Variants in MARF1 observed in about 807,000 individuals in gnomAD.
The protein encoded by MARF1 is meiosis regulator and mRNA stability factor 1, also known as limkain-b1.
A neutral mutation model predicts 168.2 loss-of-function variants in MARF1; 24 were observed. That is an observed-to-expected ratio of 0.14 (90% confidence interval 0.10 to 0.20). The LOEUF (loss-of-function observed/expected upper bound fraction) is 0.20, where lower values mean the gene tolerates loss of function less well. MARF1 is among the 10% of genes least tolerant of loss of function. The pLI, the probability that MARF1 is intolerant of heterozygous loss-of-function variation, is 1.00. For missense variants in MARF1, 1,744 were observed against 2,143.6 expected, an observed-to-expected ratio of 0.81 and a Z score of 3.68; for synonymous variants, 868 against 822.4, an observed-to-expected ratio of 1.06 and a Z score of -0.95.
Position 15,635,826 on chromosome 16 carries a change from C to T in MARF1, c.661G>A (p.Ala221Thr), listed in dbSNP as rs747484471. 66 of 1,614,042 alleles carry T rather than the reference C, an allele frequency of 4.1e-5. No homozygotes were observed. The highest frequency in any genetic ancestry group is 5.2e-5 in the Non-Finnish European group (61 of 1,180,026). ...QFPSLQGCTS[A>T]GYFPCSDFTS... Reference sequence around the variant, plus strand: ...AAATCAGAACAGGGGAAATAGCCAGCGGAGGTGCAGCCCTGCAGACTCGGA... The same window carrying T: ...AAATCAGAACAGGGGAAATAGCCAGTGGAGGTGCAGCCCTGCAGACTCGGA... Residue 221 changes from alanine (A) to threonine (T), a missense_variant, in exon 3 of 27, where the codon GCT (alanine) becomes ACT (threonine). Transcript: ENST00000396368.
Position 15,630,573 on chromosome 16 carries a change from T to C in MARF1, c.1352-69A>G, listed in dbSNP as rs916498481. ...AACACTTGACAAAGACAGACAACTCTATTGACACCCACTGAGAAGAAAGGA... is the reference window on the plus strand; with the variant it reads ...AACACTTGACAAAGACAGACAACTCCATTGACACCCACTGAGAAGAAAGGA... On this transcript the variant is annotated intron_variant, in intron 6 of 26. Transcript: ENST00000396368. The C allele has an allele frequency of 4.3e-6, 6 of 1,383,542 alleles. No homozygotes were observed. The African/African-American group carries it at 8.7e-5, about 20-fold the overall frequency. 85.7% of individuals were successfully genotyped at this position (1,383,542 alleles called of 1,614,324 possible). A position where few individuals can be genotyped will look rare whatever the true frequency, so the allele number is the denominator to read the frequency against.
chr16:15,628,120 C>A (rs1490356822), intron 7 of MARF1, among the ~76,000 whole-genome samples: 1 of 152,178 alleles, frequency 6.6e-6, no homozygotes, highest in African/African-American at 2.4e-5. Context: ...CATACAAGTA[C>A]TTTTCAAACC....
intron 23 of MARF1, 109 bp downstream of exon 23, chr16:15,601,859 GTATGTTTTGAAAGGATCAATTCA>G: frequency 1.3e-6 from 1 of 759,800 alleles, no homozygotes; most frequent in Non-Finnish European, 2.3e-6. Context: ...TAGACCAACA[GTATGTTTTGAAAGGATCAATTCA>G]AAATGCCTGC....
intron 21 of MARF1, 58 bp from the exon 22 acceptor site, chr16:15,604,456 C>T (rs948342295): frequency 8.4e-6 from 10 of 1,188,062 alleles, no homozygotes; most frequent in African/African-American, 1.5e-5. Flanking sequence ...CTAGGTTATA[C>T]CCAACTCAGC....
Position 15,627,108 on chromosome 16 carries a change from T to C in MARF1, c.1525-1308A>G, listed in dbSNP as rs150155307. 6.9e-3 allele frequency among the ~76,000 whole-genome samples: 1,054 copies of C among 151,774 alleles called. 14 individuals carry two copies. Among genetic ancestry groups the C allele is most frequent in the African/African-American group, 0.025 (1,025 of 41,354 alleles). On this transcript the variant is annotated intron_variant, in intron 7 of 26. Transcript: ENST00000396368. Reference sequence around the variant, plus strand: ...GGCTCATGCCTGTAATCCCAGCACTTTGGGAGGCCGAGGCGGGGGGATCAC... The same window carrying C: ...GGCTCATGCCTGTAATCCCAGCACTCTGGGAGGCCGAGGCGGGGGGATCAC...
intron 25 of MARF1, 92 bp downstream of exon 25, chr16:15,600,336 T>C: frequency 6.5e-7 from 1 of 1,530,050 alleles, no homozygotes; most frequent in Non-Finnish European, 8.9e-7. Context: ...ATTGGATGAC[T>C]TGCTGGAGTC....
intron 2 of MARF1, among the ~76,000 whole-genome samples, chr16:15,638,575 G>C (rs1297173198): frequency 2.0e-5 from 3 of 150,504 alleles, no homozygotes; most frequent in Non-Finnish European, 4.4e-5. Context: ...CACAGAGCAA[G>C]ACTGCACCTC....
In MARF1 at chr16:15,617,064, A is replaced by G. The variant is rs745740520; in HGVS notation, c.3065T>C (p.Val1022Ala). The G allele has an allele frequency of 6.2e-7, 1 of 1,613,036 alleles. No homozygotes were observed. The highest frequency in any genetic ancestry group is 8.5e-7 in the Non-Finnish European group (1 of 1,179,818). ...HSLLQTHEGT[V>A]PLLSFPDCYI... ...TGAGATGGTTCACCTCAATAAAGGC[A>G]CGGTGCCCTCGTGGGTCTGGAGAAG... Residue 1022 changes from valine to alanine, a missense_variant, in exon 15 of 27, where the codon GTG becomes GCG. Transcript: ENST00000396368.
chr16:15,602,527 G>GACGATAAAGAAGACGAAGACA, intron 22 of MARF1: 1 of 474,990 alleles, frequency 2.1e-6, no homozygotes, highest in Non-Finnish European at 3.8e-6. Context: ...AGACGAAGAC[G>GACGATAAAGAAGACGAAGACA]ACGATAAAGA....
chr16:15,603,635 A>C (rs1306319897), intron 22 of MARF1, among the ~76,000 whole-genome samples: 3 of 151,898 alleles, frequency 2.0e-5, no homozygotes. Context: ...TTCTTGAGTG[A>C]ATTTTGGTAA....
Position 15,598,871 on chromosome 16 carries a change from C to T in MARF1, c.4967G>A (p.Arg1656His), listed in dbSNP as rs1035129157. 5 of 1,613,960 alleles carry T rather than the reference C, an allele frequency of 3.1e-6. No homozygotes were observed. The highest frequency in any genetic ancestry group is 4.5e-5 in the East Asian group (2 of 44,878). ...QSADLIQFEE[R>H]PQEPSEIMIL... ...TCACCCACCAGAAGGCTCTTGAGGG[C>T]GCTCCTCAAACTGAATGAGATCAGC... The change falls in exon 26 of 27, where the codon CGC becomes CAC. Residue 1656 changes from arginine (R) to histidine (H), a missense_variant. By Grantham distance (29) the Arg-to-His change is conservative (BLOSUM62 0). This residue lies in a region of MARF1 where 313 missense variants were observed against 337.4 expected (regional missense o/e 0.93). Coordinates refer to ENST00000396368, the MANE Select transcript of MARF1 (RefSeq NM_014647.4).
At position 15,608,280 on chromosome 16, in the gene MARF1, A is replaced by C. The variant is rs932786304; in HGVS notation, c.4182+11T>G. The C allele has an allele frequency of 1.6e-4, 246 of 1,501,048 alleles. 1 individual carries two copies. The highest frequency in any genetic ancestry group is 2.1e-4 in the Non-Finnish European group (229 of 1,105,762). The allele number at this position is 1,501,048 out of a possible 1,614,324, so 93.0% of individuals were successfully genotyped here. A position where few individuals can be genotyped will look rare whatever the true frequency, so the allele number is the denominator to read the frequency against. On this transcript the variant is annotated intron_variant, in intron 21 of 26. Coordinates refer to ENST00000396368, the MANE Select transcript of MARF1 (RefSeq NM_014647.4). Reference sequence around the variant, plus strand: ...TGAGGGAAAAAAAAAAAAAAAAAAAAAAACATTTACCTTCACGACATGGCA... The same window carrying C: ...TGAGGGAAAAAAAAAAAAAAAAAAACAAACATTTACCTTCACGACATGGCA...
chr16:15,601,619 T>C (rs142698341), intron 23 of MARF1: 84 of 342,734 alleles, frequency 2.5e-4, no homozygotes, highest in African/African-American at 1.4e-3. Context: ...GGCACATCCT[T>C]GAAGGTTTTG....
At chr16:15,622,672 C>G (rs1387428069) in intron 11 of MARF1, among the ~76,000 whole-genome samples, 1 of 152,236 alleles carries the variant, frequency 6.6e-6, no homozygotes, top group Non-Finnish European at 1.5e-5. Context: ...CATGAGCCGC[C>G]ATGCCTGGCC....
At chr16:15,642,226 T>C (rs914569166) in intron 1 of MARF1, among the ~76,000 whole-genome samples, 1 of 152,202 alleles carries the variant, frequency 6.6e-6, no homozygotes, top group Non-Finnish European at 1.5e-5. Context: ...TTCTCCCCCA[T>C]AGCTCTTCTG....
rs772921210 is a variant in MARF1, at chr16:15,617,166, T to C, written c.2963A>G (p.His988Arg). The C allele has an allele frequency of 6.2e-6, 10 of 1,613,856 alleles. No individual in the cohort carries two copies. The highest frequency in any genetic ancestry group is 3.3e-5 in the South Asian group (3 of 90,998). The change falls in exon 15 of 27, where the codon CAT becomes CGT. Residue 988 changes from histidine to arginine, a missense_variant. His to Arg is a conservative substitution (Grantham distance 29). This residue lies in a region of MARF1 where 543 missense variants were observed against 742.1 expected (regional missense o/e 0.73). Coordinates refer to ENST00000396368, the MANE Select transcript of MARF1 (RefSeq NM_014647.4). The part of the protein sequence containing the change: ...QHCSNKDFSE[H>R]EFDPDSYKIP... The stretch of plus-strand genomic sequence containing the variant: ...CTTGTAAGAGTCTGGATCAAATTCA[T>C]GTTCGCTGAAGAAAAGAGAACACAA...
At position 15,612,764 on chromosome 16, in the gene MARF1, CAGA is replaced by C; in HGVS notation, c.3264_3266del (p.Leu1089del). ...GGTTACCTACAGGACTCTTCGAACG[CAGA>C]AGCCAAGGGTCTAGAAGAAAAAGAA... On this transcript the variant is annotated inframe_deletion, in exon 17 of 27. Transcript: ENST00000396368. The C allele has an allele frequency of 6.2e-7, 1 of 1,613,964 alleles. No individual in the cohort carries two copies. The highest frequency in any genetic ancestry group is 8.5e-7 in the Non-Finnish European group (1 of 1,179,910).
chr16:15,597,404 C>T (rs1258347407), intron 26 of MARF1, among the ~76,000 whole-genome samples: 1 of 152,162 alleles, frequency 6.6e-6, no homozygotes, highest in Admixed American at 6.5e-5. Flanking sequence ...CCCCATGGGT[C>T]TATTACCGGG....
intron 18 of MARF1, 59 bp downstream of exon 18, chr16:15,611,533 G>C (rs2033561917): frequency 4.7e-6 from 7 of 1,476,472 alleles, no homozygotes; most frequent in Non-Finnish European, 6.5e-6. Context: ...TTAGAGTTTG[G>C]CAGAAGATAA....
Sources: allele counts gnomAD v4.1 joint callset (sites outside exome capture counted in the v4.1 genomes callset), GRCh38; gene constraint gnomAD v4.1.1; regional missense constraint gnomAD v4.1.1; transcripts MANE v1.5; gene names NCBI Gene and HGNC (gene_info 2026-07-23, HGNC 2026-07-21).